The following RBFOX1 variants were observed in gnomAD, a reference collection of about 807,000 sequenced individuals.
The protein encoded by RBFOX1 is RNA binding protein fox-1 homolog 1.
In RBFOX1, 8 loss-of-function variants were observed where a neutral mutation model predicts 57.7. The ratio of observed to expected loss-of-function variants is 0.14; its 90% CI spans 0.08 to 0.25. RBFOX1 has a LOEUF of 0.25. Ranked by LOEUF, RBFOX1 falls within the 10% of genes least tolerant of loss-of-function variation. The probability of loss-of-function intolerance (pLI) is 1.00; values close to 1 mark genes in which losing one functional copy is unlikely to be tolerated. For synonymous variants in RBFOX1, 326 were observed against 222.4 expected (o/e 1.47, Z -4.15); for missense variants, 611 against 548.5 (o/e 1.11, Z -1.14).
At chr16:6,494,173 C>A (rs1001765889) in intron 2 of RBFOX1, among the ~76,000 whole-genome samples, 3 of 152,164 alleles carry the variant, frequency 2.0e-5, no homozygotes, top group African/African-American at 7.2e-5. Flanking sequence ...AGTATCACAT[C>A]GTATCGAGGA....
intron 3 of RBFOX1, among the ~76,000 whole-genome samples, chr16:6,940,747 G>A (rs183302002): frequency 2.7e-4 from 40 of 149,086 alleles, no homozygotes; most frequent in East Asian, 2.4e-3. Context: ...ACAGGCGCCC[G>A]CCACCATGTC....
intron 4 of RBFOX1, among the ~76,000 whole-genome samples, chr16:7,309,183 C>G (rs756003140): frequency 6.6e-6 from 1 of 152,196 alleles, no homozygotes; most frequent in Non-Finnish European, 1.5e-5. Flanking sequence ...AATTGGTTAA[C>G]CAATCTTTCT....
chr16:6,198,513 G>C (rs955832630), intron 1 of RBFOX1, among the ~76,000 whole-genome samples: 4 of 152,150 alleles, frequency 2.6e-5, no homozygotes, highest in African/African-American at 9.7e-5. Context: ...TTATCTCTGT[G>C]GAACTGTGTG....
chr16:7,691,757 C>G (rs1044367710), intron 14 of RBFOX1, among the ~76,000 whole-genome samples: 8 of 152,160 alleles, frequency 5.3e-5, no homozygotes, highest in African/African-American at 1.9e-4. Context: ...AAAGGGAACA[C>G]AAGCTAGCAA....
intron 3 of RBFOX1, among the ~76,000 whole-genome samples, chr16:6,921,811 A>G (rs1395674603): frequency 5.3e-5 from 8 of 152,146 alleles, no homozygotes. Flanking sequence ...CATAATCACC[A>G]TGTAACTTTC....
rs894507670 is a variant in RBFOX1 at position 7,302,636 on chromosome 16, A to AC, written c.28-215511_28-215510insC. Among the ~76,000 whole-genome samples the AC allele has an allele frequency of 1.7e-3, 256 of 150,482 alleles. 1 individual carries two copies. The highest frequency in any genetic ancestry group is 6.2e-3 in the Admixed American group (94 of 15,128). On this transcript the variant is annotated intron_variant, in intron 4 of 15. Transcript: ENST00000550418. ...AGCTGATCTCTTGGTCTGAAAACAA[A>AC]AAAAAAAAAAAAGAAAATCCAATCA...
chr16:5,474,669 T>A (rs957905956), intron 2 of RBFOX1, among the ~76,000 whole-genome samples: 12 of 151,082 alleles, frequency 7.9e-5, no homozygotes, highest in Admixed American at 2.6e-4. Flanking sequence ...AAAAAAAAAA[T>A]ACTCCCGGAC....
intron 4 of RBFOX1, among the ~76,000 whole-genome samples, chr16:7,131,998 C>CTTT (rs34879688): frequency 4.0e-5 from 5 of 123,840 alleles, no homozygotes; most frequent in African/African-American, 1.2e-4. Flanking sequence ...TTTTTTCTTT[C>CTTT]TTTTTTTTTT....
intron 3 of RBFOX1, among the ~76,000 whole-genome samples, chr16:6,790,155 G>C (rs1162937627): frequency 9.0e-6 from 1 of 111,268 alleles, no homozygotes; most frequent in Non-Finnish European, 1.9e-5. Flanking sequence ...TTAGATTCTG[G>C]ATTTTATTTT....
intron 4 of RBFOX1, among the ~76,000 whole-genome samples, chr16:7,516,981 G>A (rs1275099411): frequency 6.6e-6 from 1 of 152,066 alleles, no homozygotes; most frequent in Non-Finnish European, 1.5e-5. Context: ...TTATATGAGG[G>A]CCAAAGTCAC....
At chr16:6,998,784 C>G (rs750317892) in intron 3 of RBFOX1, among the ~76,000 whole-genome samples, 24 of 152,064 alleles carry the variant, frequency 1.6e-4, no homozygotes, top group Non-Finnish European at 2.2e-4. Flanking sequence ...ATTACAGACT[C>G]CAGTCTAAAA....
chr16:6,052,860 G>T (rs2095570745), intron 1 of RBFOX1, among the ~76,000 whole-genome samples: 1 of 147,762 alleles, frequency 6.8e-6, no homozygotes, highest in Non-Finnish European at 1.5e-5. Flanking sequence ...GCCTGGGGTT[G>T]TGCAGGTATT....
At chr16:7,087,360 G>C (rs1013229450) in intron 4 of RBFOX1, among the ~76,000 whole-genome samples, 2 of 152,134 alleles carry the variant, frequency 1.3e-5, no homozygotes, top group African/African-American at 4.8e-5. Flanking sequence ...AAATGGTGTA[G>C]TGCCTGTCTG....
chr16:7,387,837 C>G (rs1305790210), intron 4 of RBFOX1, among the ~76,000 whole-genome samples: 1 of 151,936 alleles, frequency 6.6e-6, no homozygotes. Flanking sequence ...TTTAAAACGT[C>G]TCTGGAATTC....
chr16:5,262,050 C>T (rs575124255), intron 1 of RBFOX1, among the ~76,000 whole-genome samples: 2 of 152,084 alleles, frequency 1.3e-5, no homozygotes, highest in African/African-American at 2.4e-5. Context: ...GTAATAAATA[C>T]AGTAAAAGAA....
At chr16:7,272,537 C>G (rs865922968) in intron 4 of RBFOX1, among the ~76,000 whole-genome samples, 4 of 152,200 alleles carry the variant, frequency 2.6e-5, no homozygotes, top group East Asian at 1.9e-4. Context: ...ATCATTCATT[C>G]ATTCATCAAA....
At chr16:6,949,987 C>G (rs1229075633) in intron 3 of RBFOX1, among the ~76,000 whole-genome samples, 1 of 151,222 alleles carries the variant, frequency 6.6e-6, no homozygotes, top group African/African-American at 2.4e-5. Context: ...TGCTCTGTTG[C>G]CCAGGCTGGA....
chr16:7,041,964 G>A (rs1315445953), intron 3 of RBFOX1, among the ~76,000 whole-genome samples: 1 of 152,104 alleles, frequency 6.6e-6, no homozygotes. Context: ...TATATAATAT[G>A]GCTAACGTTA....
At chr16:6,901,295 C>T (rs544494211) in intron 3 of RBFOX1, among the ~76,000 whole-genome samples, 84 of 152,284 alleles carry the variant, frequency 5.5e-4, no homozygotes, top group East Asian at 5.4e-3. Flanking sequence ...CATCCCTCTC[C>T]GTGGGCTCAT....
Sources: gnomAD v4.1 joint callset for allele counts (sites outside exome capture counted in the v4.1 genomes callset) on GRCh38, gnomAD v4.1.1 for gene constraint, MANE v1.5 for transcripts, NCBI Gene and HGNC (gene_info 2026-07-23, HGNC 2026-07-21) for gene names.